WDR7: variants seen among roughly 807,000 people sequenced by gnomAD.
WDR7 encodes WD repeat domain 7.
A neutral mutation model predicts 169.4 loss-of-function variants in WDR7; 46 were observed. The observed-to-expected ratio is 0.27, with a 90% confidence interval of 0.21 to 0.35. The LOEUF (loss-of-function observed/expected upper bound fraction) is 0.35, where lower values mean the gene tolerates loss of function less well. WDR7 is among the 10% of genes least tolerant of loss of function. The pLI is 1.00. For missense variants in WDR7, 1,534 were observed against 1,859.3 expected, an observed-to-expected ratio of 0.83 and a Z score of 3.22; for synonymous variants, 612 against 666.8, an observed-to-expected ratio of 0.92 and a Z score of 1.27.
intron 26 of WDR7, among the ~76,000 whole-genome samples, chr18:56,974,823 G>T (rs1227226986): frequency 6.6e-6 from 1 of 152,202 alleles, no homozygotes; most frequent in Non-Finnish European, 1.5e-5. Flanking sequence ...TGGCAGGAAA[G>T]ACAAAGATGA....
rs544463618 is a variant in WDR7, at chr18:56,755,809, A to G, written c.1990-774A>G. ...GAAGACTTACCAGGAGGTACTCTCC[A>G]GATAAATCTTTATTACCCTCCAGGA... On this transcript the variant is annotated intron_variant, in intron 14 of 27. Coordinates refer to ENST00000254442, the MANE Select transcript of WDR7 (RefSeq NM_015285.3). Among the ~76,000 whole-genome samples the G allele has an allele frequency of 7.9e-5, 12 of 152,194 alleles. No individual in the cohort carries two copies. In the South Asian group the frequency reaches 2.3e-3, roughly 29 times the overall value.
chr18:56,713,303 AG>A (rs1342450053), intron 12 of WDR7, among the ~76,000 whole-genome samples: 1 of 152,214 alleles, frequency 6.6e-6, no homozygotes. Flanking sequence ...TGTAATGTGA[AG>A]TTACTCACAT....
intron 16 of WDR7, among the ~76,000 whole-genome samples, chr18:56,773,680 C>T (rs1251520319): frequency 1.3e-5 from 2 of 151,988 alleles, no homozygotes; most frequent in East Asian, 3.8e-4. Context: ...AATGATTTAT[C>T]CAAATGTTTC....
chr18:56,825,682 T>C (rs2045190260), intron 20 of WDR7, among the ~76,000 whole-genome samples: 1 of 152,228 alleles, frequency 6.6e-6, no homozygotes, highest in Non-Finnish European at 1.5e-5. Context: ...ACACATATAT[T>C]ATGACTTGTC....
intron 14 of WDR7, among the ~76,000 whole-genome samples, chr18:56,754,588 CACTT>C (rs1003765320): frequency 6.6e-6 from 1 of 151,940 alleles, no homozygotes; most frequent in African/African-American, 2.4e-5. Flanking sequence ...AGTTTCATCT[CACTT>C]AAAATTCGAC....
At position 56,731,473 on chromosome 18, in the gene WDR7, G is replaced by A. The variant is rs757129987; in HGVS notation, c.1865G>A (p.Ser622Asn). Residue 622 changes from serine (S) to asparagine (N), a missense_variant, in exon 14 of 28, where the codon AGT (serine) becomes AAT (asparagine). Physicochemically the swap from Ser to Asn is conservative, Grantham distance 46 (BLOSUM62 1). Coordinates refer to ENST00000254442, the MANE Select transcript of WDR7 (RefSeq NM_015285.3). Reference protein sequence around the residue: ...EAVPAAVDSLSHPAVNLKQAM... With the variant: ...EAVPAAVDSLNHPAVNLKQAM... ...GTTCCTGCTGCTGTTGATTCACTTA[G>A]TCATCCAGCAGTCAACCTAAAACAA... 6.2e-7 allele frequency: 1 copy of A among 1,614,008 alleles called. No individual in the cohort carries two copies. Among genetic ancestry groups the A allele is most frequent in the Non-Finnish European group, 8.5e-7 (1 of 1,180,020 alleles).
At position 56,685,941 on chromosome 18, in the gene WDR7, C is replaced by T; in HGVS notation, c.521-15C>T. ...TTCGTAACCTGGGCTGCTTTTTTGT[C>T]CCTTCTCATTTTAGAGGACACAGTG... On this transcript the variant is annotated splice_polypyrimidine_tract_variant and intron_variant, in intron 5 of 27. Coordinates refer to ENST00000254442, the MANE Select transcript of WDR7 (RefSeq NM_015285.3). 1 of 1,591,110 alleles carries T rather than the reference C, an allele frequency of 6.3e-7. No individual in the cohort carries two copies. Among genetic ancestry groups the T allele is most frequent in the Non-Finnish European group, 8.5e-7 (1 of 1,172,168 alleles).
intron 20 of WDR7, among the ~76,000 whole-genome samples, chr18:56,839,052 A>G (rs1441982234): frequency 6.6e-6 from 1 of 152,174 alleles, no homozygotes; most frequent in Non-Finnish European, 1.5e-5. Flanking sequence ...TTTATGCTCT[A>G]TACTTGTGTG....
Position 56,701,478 on chromosome 18 carries a change from C to T in WDR7, c.1578+5016C>T, listed in dbSNP as rs186646521. Among the ~76,000 whole-genome samples the T allele has an allele frequency of 1.6e-4, 24 of 152,212 alleles. 1 individual carries two copies. Among genetic ancestry groups the T allele is most frequent in the Admixed American group, 1.6e-3 (24 of 15,270 alleles). On this transcript the variant is annotated intron_variant, in intron 12 of 27. Coordinates refer to ENST00000254442, the MANE Select transcript of WDR7 (RefSeq NM_015285.3). The stretch of plus-strand genomic sequence containing the variant: ...ATATAAAGTCCTATACCATTTTTAT[C>T]ATTCCAAGTTATGTTTATTATTTTT...
intron 23 of WDR7, among the ~76,000 whole-genome samples, chr18:56,938,051 G>A (rs1822726614): frequency 6.6e-6 from 1 of 152,160 alleles, no homozygotes; most frequent in Non-Finnish European, 1.5e-5. Context: ...ACATTGAGTA[G>A]ACTGAGGGGG....
At chr18:56,903,131 G>T (rs925085492) in intron 21 of WDR7, among the ~76,000 whole-genome samples, 1 of 152,110 alleles carries the variant, frequency 6.6e-6, no homozygotes, top group Non-Finnish European at 1.5e-5. Context: ...ATACTTAATA[G>T]CAACCTTGCC....
rs78557222 is a variant in WDR7, at chr18:56,679,115, A to G, written c.160-217A>G. On this transcript the variant is annotated intron_variant, in intron 2 of 27. Transcript: ENST00000254442. ...TGTTTTAAGGCCCTGGGTCTCTACA[A>G]TCAGCCAGTAGTGAAGCCAGCCAGG... Among the ~76,000 whole-genome samples the G allele has an allele frequency of 0.018, 2,733 of 152,246 alleles. 62 individuals are homozygous for G. The highest frequency in any genetic ancestry group is 0.085 in the South Asian group (410 of 4,830).
At chr18:56,670,836 T>A (rs979380412) in intron 1 of WDR7, among the ~76,000 whole-genome samples, 1 of 152,272 alleles carries the variant, frequency 6.6e-6, no homozygotes, top group East Asian at 1.9e-4. Context: ...CTTTAATGAT[T>A]ATACCTTTTG....
intron 22 of WDR7, among the ~76,000 whole-genome samples, chr18:56,933,226 T>C (rs1364807461): frequency 6.6e-6 from 1 of 152,122 alleles, no homozygotes; most frequent in African/African-American, 2.4e-5. Context: ...TCCCTATTAT[T>C]GTATTTCTCA....
At chr18:56,659,815 C>T (rs1360594404) in intron 1 of WDR7, among the ~76,000 whole-genome samples, 1 of 151,624 alleles carries the variant, frequency 6.6e-6, no homozygotes, top group African/African-American at 2.4e-5. Flanking sequence ...ATGTGTGAGA[C>T]AGGAAGCCAT....
intron 13 of WDR7, among the ~76,000 whole-genome samples, chr18:56,729,423 G>A (rs2026534214): frequency 6.6e-6 from 1 of 152,054 alleles, no homozygotes. Flanking sequence ...ACCAAGTAGT[G>A]TACATCTATT....
chr18:57,012,332 G>A (rs576312248), intron 26 of WDR7, among the ~76,000 whole-genome samples: 1 of 152,316 alleles, frequency 6.6e-6, no homozygotes, highest in East Asian at 1.9e-4. Flanking sequence ...GGATGGCAGG[G>A]TAGGGGAGAT....
At chr18:56,943,996 T>C (rs1253867701) in intron 25 of WDR7, among the ~76,000 whole-genome samples, 4 of 137,972 alleles carry the variant, frequency 2.9e-5, no homozygotes, top group Non-Finnish European at 6.2e-5. Flanking sequence ...TTTTTTTTTT[T>C]TTTTTTTTTT....
intron 14 of WDR7, among the ~76,000 whole-genome samples, chr18:56,752,814 C>T (rs1292184008): frequency 6.6e-6 from 1 of 152,096 alleles, no homozygotes; most frequent in Non-Finnish European, 1.5e-5. Context: ...GAAGAGAAGC[C>T]ACTTGAAATA....
Sources: gnomAD v4.1 joint callset for allele counts (sites outside exome capture counted in the v4.1 genomes callset) on GRCh38, gnomAD v4.1.1 for gene constraint, MANE v1.5 for transcripts, NCBI Gene and HGNC (gene_info 2026-07-23, HGNC 2026-07-21) for gene names.